The following LRP1B variants were observed in gnomAD, a reference collection of about 807,000 sequenced individuals.
LRP1B encodes the protein LDL receptor related protein 1B.
LRP1B carries 217 observed loss-of-function variants against 556.6 expected under a neutral mutation model. That is an observed-to-expected ratio of 0.39 (90% CI 0.35 to 0.44). The LOEUF is 0.44. Ranked by LOEUF, LRP1B falls within the 20% of genes least tolerant of loss-of-function variation. The pLI is 1.00. For synonymous variants in LRP1B, 2,047 were observed against 1,865.8 expected, an observed-to-expected ratio of 1.10 and a Z score of -2.50; for missense variants, 5,053 against 5,620.8, an observed-to-expected ratio of 0.90 and a Z score of 3.23.
At chr2:141,881,180 T>A (rs1388371224) in intron 1 of LRP1B, among the ~76,000 whole-genome samples, 1 of 152,000 alleles carries the variant, frequency 6.6e-6, no homozygotes, top group Admixed American at 6.6e-5. Context: ...ATAATTACCC[T>A]TGATGGTATA....
At chr2:141,091,819 G>A (rs1046047498) in intron 7 of LRP1B, among the ~76,000 whole-genome samples, 1 of 152,142 alleles carries the variant, frequency 6.6e-6, no homozygotes, top group African/African-American at 2.4e-5. Context: ...ACACAGCAAG[G>A]CCACCATATT....
At chr2:141,589,757 T>C (rs1019126359) in intron 2 of LRP1B, among the ~76,000 whole-genome samples, 3 of 152,154 alleles carry the variant, frequency 2.0e-5, no homozygotes, top group African/African-American at 7.2e-5. Context: ...GGTTGTCATA[T>C]GGCTAAATCC....
At chr2:140,544,137 A>C (rs538183482) in intron 43 of LRP1B, among the ~76,000 whole-genome samples, 1 of 151,936 alleles carries the variant, frequency 6.6e-6, no homozygotes, top group Non-Finnish European at 1.5e-5. Context: ...AATAACTTTT[A>C]AGTTCAGGGG....
chr2:140,304,543 T>C (rs1040817163), intron 83 of LRP1B, among the ~76,000 whole-genome samples: 5 of 152,236 alleles, frequency 3.3e-5, no homozygotes, highest in African/African-American at 4.8e-5. Flanking sequence ...TCTTTGTAGA[T>C]TGTGGATTGT....
intron 41 of LRP1B, among the ~76,000 whole-genome samples, chr2:140,624,603 T>C (rs895880798): frequency 1.3e-5 from 2 of 152,146 alleles, no homozygotes; most frequent in Admixed American, 1.3e-4. Context: ...GAATATAGCA[T>C]TTAACAGGAG....
chr2:140,266,568 C>A (rs1682211911), intron 86 of LRP1B, among the ~76,000 whole-genome samples: 1 of 151,846 alleles, frequency 6.6e-6, no homozygotes, highest in African/African-American at 2.4e-5. Flanking sequence ...ATCTCTTTAG[C>A]CTTCTCTTCT....
chr2:140,317,987 C>A (rs1369291360), intron 82 of LRP1B, among the ~76,000 whole-genome samples: 1 of 150,714 alleles, frequency 6.6e-6, no homozygotes, highest in Non-Finnish European at 1.5e-5. Flanking sequence ...CAACCTCCAG[C>A]AATTATAATC....
intron 2 of LRP1B, among the ~76,000 whole-genome samples, chr2:141,485,705 T>G (rs1317865060): frequency 6.6e-6 from 1 of 152,120 alleles, no homozygotes; most frequent in Non-Finnish European, 1.5e-5. Flanking sequence ...ATCCTGTAAA[T>G]GGACAGAAGA....
At chr2:140,268,109 A>G (rs886792916) in intron 86 of LRP1B, among the ~76,000 whole-genome samples, 2 of 151,980 alleles carry the variant, frequency 1.3e-5, no homozygotes, top group Non-Finnish European at 2.9e-5. Context: ...GGCAGGACAA[A>G]TGAAGACTGG....
At chr2:142,089,605 G>A (rs1484962832) in intron 1 of LRP1B, among the ~76,000 whole-genome samples, 2 of 152,302 alleles carry the variant, frequency 1.3e-5, no homozygotes, top group Non-Finnish European at 1.5e-5. Flanking sequence ...CCCATTCATG[G>A]ACAAGTGTGG....
intron 2 of LRP1B, among the ~76,000 whole-genome samples, chr2:141,633,709 C>T: frequency 6.6e-6 from 1 of 151,928 alleles, no homozygotes; most frequent in Middle Eastern, 3.2e-3. Context: ...CATCCATTTC[C>T]AGAACTTTTC....
intron 72 of LRP1B, among the ~76,000 whole-genome samples, chr2:140,361,966 TC>T (rs1229172097): frequency 2.0e-5 from 3 of 151,472 alleles, no homozygotes; most frequent in Non-Finnish European, 4.4e-5. Flanking sequence ...CCCTTTCCAT[TC>T]AAATGGGAAA....
At chr2:141,461,600 T>C (rs932455048) in intron 3 of LRP1B, among the ~76,000 whole-genome samples, 17 of 152,208 alleles carry the variant, frequency 1.1e-4, no homozygotes, top group African/African-American at 3.4e-4. Context: ...TGGTCTATGT[T>C]GACTGTATTT....
intron 35 of LRP1B, among the ~76,000 whole-genome samples, chr2:140,719,930 G>A (rs1687343841): frequency 6.6e-6 from 1 of 151,876 alleles, no homozygotes; most frequent in Non-Finnish European, 1.5e-5. Flanking sequence ...TGCTAAGATA[G>A]GAAAACATGT....
At chr2:140,571,161 AG>A (rs919648099) in intron 43 of LRP1B, among the ~76,000 whole-genome samples, 4 of 151,870 alleles carry the variant, frequency 2.6e-5, no homozygotes, top group African/African-American at 9.6e-5. Flanking sequence ...TCTCAGTCTG[AG>A]CAATTAGGTA....
At chr2:141,132,098 C>T (rs1701373680) in intron 7 of LRP1B, among the ~76,000 whole-genome samples, 1 of 152,082 alleles carries the variant, frequency 6.6e-6, no homozygotes, top group Admixed American at 6.6e-5. Context: ...CCAAACATAA[C>T]ATTTTTAACT....
intron 2 of LRP1B, among the ~76,000 whole-genome samples, chr2:141,506,592 G>C (rs1358724762): frequency 6.6e-6 from 1 of 151,972 alleles, no homozygotes; most frequent in East Asian, 1.9e-4. Flanking sequence ...ATGACAGGCT[G>C]TATAGGATGT....
At chr2:141,739,645 A>G (rs1168958871) in intron 2 of LRP1B, among the ~76,000 whole-genome samples, 1 of 151,562 alleles carries the variant, frequency 6.6e-6, no homozygotes, top group African/African-American at 2.4e-5. Context: ...AATAGAAAGA[A>G]AGTTGTTAGC....
chr2:141,676,938 T>A (rs1690906187), intron 2 of LRP1B, among the ~76,000 whole-genome samples: 1 of 152,172 alleles, frequency 6.6e-6, no homozygotes, highest in African/African-American at 2.4e-5. Context: ...CTACTAGAGA[T>A]ATGAGTTCTG....
Sources: gnomAD v4.1 joint callset for allele counts (sites outside exome capture counted in the v4.1 genomes callset) on GRCh38, gnomAD v4.1.1 for gene constraint, MANE v1.5 for transcripts, NCBI Gene and HGNC (gene_info 2026-07-23, HGNC 2026-07-21) for gene names.